Variants in CHST11 observed in about 807,000 individuals in gnomAD.
CHST11 encodes C4S-1.
A neutral mutation model predicts 30.4 loss-of-function variants in CHST11; 9 were observed. The ratio of observed to expected loss-of-function variants is 0.30; its 90% CI spans 0.18 to 0.52. The LOEUF (loss-of-function observed/expected upper bound fraction) is 0.52, where lower values mean the gene tolerates loss of function less well. Ranked by LOEUF, CHST11 falls within the 20% of genes least tolerant of loss-of-function variation. The probability of loss-of-function intolerance (pLI) is 0.97; values close to 1 mark genes in which losing one functional copy is unlikely to be tolerated. For synonymous variants in CHST11, 152 were observed against 187.8 expected (o/e 0.81, Z 1.56); for missense variants, 348 against 460.6 (o/e 0.76, Z 2.24).
At chr12:104,720,845 A>T (rs1183746117) in intron 2 of CHST11, among the ~76,000 whole-genome samples, 1 of 152,056 alleles carries the variant, frequency 6.6e-6, no homozygotes, top group South Asian at 2.1e-4. Context: ...CTGCTTTGGG[A>T]CTTTTAAAAT....
chr12:104,644,623 C>T lies in CHST11; in HGVS notation c.204+42632C>T, dbSNP rs1020065530. ...AATCCTTGAAGCAGCACTGGGGAGG[C>T]GATGAAGAGGGTCAGGTTTGGAGTC... On this transcript the variant is annotated intron_variant, in intron 2 of 2. Transcript: ENST00000303694. 3.9e-5 allele frequency among the ~76,000 whole-genome samples: 6 copies of T among 152,344 alleles called. No homozygotes were observed. In the South Asian group the frequency reaches 6.2e-4, roughly 16 times the overall value.
intron 1 of CHST11, among the ~76,000 whole-genome samples, chr12:104,512,694 A>T (rs2037977431): frequency 6.6e-6 from 1 of 152,212 alleles, no homozygotes; most frequent in African/African-American, 2.4e-5. Flanking sequence ...GAGCATGATG[A>T]AAAGTATTTT....
At chr12:104,666,404 G>A (rs538123314) in intron 2 of CHST11, among the ~76,000 whole-genome samples, 12 of 152,298 alleles carry the variant, frequency 7.9e-5, no homozygotes, top group African/African-American at 2.2e-4. Context: ...ATTGTGAAAC[G>A]TGGGCAGGCT....
chr12:104,620,630 A>ATCTG (rs2136060208), intron 2 of CHST11, among the ~76,000 whole-genome samples: 1 of 152,170 alleles, frequency 6.6e-6, no homozygotes, highest in South Asian at 2.1e-4. Flanking sequence ...TTATTTATTT[A>ATCTG]TTTGTTTGTT....
chr12:104,502,032 CT>C (rs60839156), intron 1 of CHST11, among the ~76,000 whole-genome samples: 27,169 of 147,770 alleles, frequency 0.18, 2,607 homozygotes, highest in East Asian at 0.34. Context: ...TTCTTTTTTA[CT>C]TTTTTTTTTT....
At chr12:104,492,283 A>G (rs2037755159) in intron 1 of CHST11, among the ~76,000 whole-genome samples, 1 of 152,104 alleles carries the variant, frequency 6.6e-6, no homozygotes, top group Non-Finnish European at 1.5e-5. Flanking sequence ...TTTTTAGTAG[A>G]GATGGGGTTT....
chr12:104,591,030 G>A lies in CHST11; in HGVS notation c.119-10876G>A, dbSNP rs557235496. On this transcript the variant is annotated intron_variant, in intron 1 of 2. Transcript: ENST00000303694. ...GCTCTCTCTGGGGACCTGATGATGC[G>A]GTCAGAGGGCAGAGTAAAGAAGAGA... Among the ~76,000 whole-genome samples the A allele has an allele frequency of 7.9e-5, 12 of 152,288 alleles. No individual in the cohort carries two copies. The South Asian group carries it at 2.3e-3, about 29-fold the overall frequency.
At chr12:104,746,522 C>A (rs760232126) in intron 2 of CHST11, among the ~76,000 whole-genome samples, 1 of 152,208 alleles carries the variant, frequency 6.6e-6, no homozygotes, top group Non-Finnish European at 1.5e-5. Context: ...ATCACTATCA[C>A]CCAGAGCCTC....
intron 1 of CHST11, among the ~76,000 whole-genome samples, chr12:104,478,068 CA>C (rs1448603897): frequency 6.6e-6 from 1 of 152,114 alleles, no homozygotes; most frequent in Non-Finnish European, 1.5e-5. Context: ...GTTTGGGAAG[CA>C]ACCCCCCTAA....
At chr12:104,742,245 C>A (rs751143595) in intron 2 of CHST11, among the ~76,000 whole-genome samples, 1 of 152,096 alleles carries the variant, frequency 6.6e-6, no homozygotes, top group Non-Finnish European at 1.5e-5. Flanking sequence ...GGGAAGAGAA[C>A]CAATGAAGCC....
At chr12:104,573,356 C>G (rs541045091) in intron 1 of CHST11, among the ~76,000 whole-genome samples, 2 of 152,230 alleles carry the variant, frequency 1.3e-5, no homozygotes, top group Non-Finnish European at 2.9e-5. Flanking sequence ...TTGGAAAAAA[C>G]TACTTTAAAG....
intron 2 of CHST11, among the ~76,000 whole-genome samples, chr12:104,741,629 A>G (rs1281012181): frequency 6.6e-6 from 1 of 152,166 alleles, no homozygotes. Context: ...ACAGCTGCCA[A>G]TCTAAGTTGC....
intron 1 of CHST11, among the ~76,000 whole-genome samples, chr12:104,463,788 A>G (rs2037431793): frequency 6.6e-6 from 1 of 152,222 alleles, no homozygotes; most frequent in Non-Finnish European, 1.5e-5. Flanking sequence ...GGAGCCGGCC[A>G]TGTTCCAGGC....
At chr12:104,575,843 G>A (rs2038679330) in intron 1 of CHST11, among the ~76,000 whole-genome samples, 2 of 152,026 alleles carry the variant, frequency 1.3e-5, no homozygotes, top group Admixed American at 1.3e-4. Flanking sequence ...GCTTATCGGG[G>A]TATTCCTTGG....
At chr12:104,654,605 T>C (rs1473307158) in intron 2 of CHST11, among the ~76,000 whole-genome samples, 2 of 152,058 alleles carry the variant, frequency 1.3e-5, no homozygotes, top group Non-Finnish European at 2.9e-5. Flanking sequence ...TGCTTTGCCA[T>C]TCCTATGGGG....
chr12:104,506,341 A>G (rs1162062015), intron 1 of CHST11, among the ~76,000 whole-genome samples: 2 of 152,240 alleles, frequency 1.3e-5, no homozygotes, highest in Admixed American at 6.5e-5. Context: ...GTTATATAAC[A>G]TCACAAAGCC....
chr12:104,678,744 A>G (rs1342769480), intron 2 of CHST11, among the ~76,000 whole-genome samples: 1 of 152,206 alleles, frequency 6.6e-6, no homozygotes, highest in East Asian at 1.9e-4. Context: ...TGGGGGAGAT[A>G]AAAACCACAT....
intron 1 of CHST11, among the ~76,000 whole-genome samples, chr12:104,531,629 T>C: frequency 6.6e-6 from 1 of 152,176 alleles, no homozygotes. Flanking sequence ...AGATCTCTCT[T>C]GGGAATTCCT....
chr12:104,727,953 G>T (rs1355791007), intron 2 of CHST11, among the ~76,000 whole-genome samples: 1 of 123,550 alleles, frequency 8.1e-6, no homozygotes, highest in African/African-American at 2.8e-5. Flanking sequence ...GGAGAGAGAC[G>T]TGGATCCAGG....
Sources: allele counts gnomAD v4.1 joint callset (sites outside exome capture counted in the v4.1 genomes callset), GRCh38; gene constraint gnomAD v4.1.1; transcripts MANE v1.5; gene names NCBI Gene and HGNC (gene_info 2026-07-23, HGNC 2026-07-21).